The following CCDC191 variants were observed in gnomAD, a reference collection of about 807,000 sequenced individuals.
The protein encoded by CCDC191 is coiled-coil domain containing 191.
A neutral mutation model predicts 114.0 loss-of-function variants in CCDC191; 99 were observed. The observed-to-expected ratio is 0.87, with a 90% CI of 0.74 to 1.03. CCDC191 has a LOEUF of 1.03. Ranked by LOEUF, CCDC191 falls within the 50% of genes least tolerant of loss-of-function variation. The pLI is 0.00. For synonymous variants in CCDC191, 351 were observed against 376.0 expected (o/e 0.93, Z 0.77); for missense variants, 973 against 1,087.0 (o/e 0.90, Z 1.47).
rs750640586 is a variant in CCDC191 at position 113,978,317 on chromosome 3, C to T, written c.2475G>A (p.Leu825=). 6.2e-7 allele frequency: 1 copy of T among 1,613,742 alleles called. No individual in the cohort carries two copies. Among genetic ancestry groups the T allele is most frequent in the Non-Finnish European group, 8.5e-7 (1 of 1,179,934 alleles). ...CACAAAATTTTCTTACTTCTTCCTG[C>T]AGATCAATCACGTACTGGGGATGAA... ...IQSWLQYVID[L]QEEVRKFCVH... Residue 825 remains leucine (L), a synonymous_variant, in exon 16 of 17, where the codon CTG becomes CTA. Transcript: ENST00000295878.
intron 7 of CCDC191, among the ~76,000 whole-genome samples, chr3:114,030,402 C>T (rs1268291488): frequency 6.6e-6 from 1 of 152,096 alleles, no homozygotes; most frequent in Non-Finnish European, 1.5e-5. Context: ...CCTGAATACT[C>T]GTTTCTCTTC....
chr3:113,981,115 C>A (rs2075135714), intron 13 of CCDC191, among the ~76,000 whole-genome samples: 1 of 152,090 alleles, frequency 6.6e-6, no homozygotes, highest in African/African-American at 2.4e-5. Context: ...TCAGGATTTT[C>A]CCCCTCATTA....
intron 8 of CCDC191, among the ~76,000 whole-genome samples, chr3:114,013,935 A>G (rs1450618330): frequency 6.6e-6 from 1 of 152,222 alleles, no homozygotes; most frequent in Non-Finnish European, 1.5e-5. Context: ...TATGCTGCCT[A>G]TCCTACAAGA....
At chr3:114,032,279 G>GA in intron 6 of CCDC191, among the ~76,000 whole-genome samples, 1 of 152,142 alleles carries the variant, frequency 6.6e-6, no homozygotes. Flanking sequence ...GCTGAAAAGA[G>GA]AAAAAAATAG....
chr3:114,004,340 C>CT lies in CCDC191; in HGVS notation c.1978+296dup, dbSNP rs140992391. 3.0e-3 allele frequency: 3,026 copies of CT among 1,001,232 alleles called. 5 individuals are homozygous for CT. The highest frequency in any genetic ancestry group is 3.4e-3 in the Non-Finnish European group (2,837 of 839,824). The allele number at this position is 1,001,232 out of a possible 1,614,324, so 62.0% of individuals were successfully genotyped here. On this transcript the variant is annotated intron_variant, in intron 11 of 16. Coordinates refer to ENST00000295878, the MANE Select transcript of CCDC191 (RefSeq NM_020817.2). ...AGTTTTCTCATTTGTGTAATTATTC[C>CT]TTTTTTTTTCACAATCCAAATCTCA...
At chr3:113,992,201 T>TC (rs773055079) in intron 13 of CCDC191, among the ~76,000 whole-genome samples, 3 of 151,970 alleles carry the variant, frequency 2.0e-5, no homozygotes, top group East Asian at 3.9e-4. Flanking sequence ...AGGTCACCCC[T>TC]CCCCCAAGGC....
intron 7 of CCDC191, among the ~76,000 whole-genome samples, chr3:114,030,170 A>G (rs2076384121): frequency 1.3e-5 from 2 of 152,172 alleles, no homozygotes; most frequent in South Asian, 2.1e-4. Context: ...TTCCATGTCA[A>G]ATATTTTAAA....
chr3:114,053,714 A>C lies in CCDC191; in HGVS notation c.91-79T>G, dbSNP rs552474111. Reference sequence around the variant, plus strand: ...GCCATTTAAATCTATCCTTCTGACTAAAGCATATGGAACAGTGTCCTTTAT... The same window carrying C: ...GCCATTTAAATCTATCCTTCTGACTCAAGCATATGGAACAGTGTCCTTTAT... On this transcript the variant is annotated intron_variant, in intron 1 of 16. Transcript: ENST00000295878. 15 of 896,136 alleles carry C rather than the reference A, an allele frequency of 1.7e-5. No homozygotes were observed. In the East Asian group the frequency reaches 3.9e-4, roughly 23 times the overall value. 55.5% of individuals were successfully genotyped at this position (896,136 alleles called of 1,614,324 possible).
intron 9 of CCDC191, among the ~76,000 whole-genome samples, chr3:114,006,600 AT>A (rs1577401119): frequency 2.2e-5 from 3 of 136,532 alleles, no homozygotes; most frequent in African/African-American, 5.8e-5. Context: ...ATATATATAT[AT>A]ATATATATAT....
chr3:114,001,514 G>A, intron 13 of CCDC191, 81 bp downstream of exon 13: 5 of 1,546,048 alleles, frequency 3.2e-6, no homozygotes, highest in Non-Finnish European at 4.4e-6. Flanking sequence ...GAAGTTCTGG[G>A]TTAAAGAAGG....
rs2076579519 is a variant in CCDC191, at chr3:114,042,699, TTA to T, written c.415+2_415+3del. ...AAACTTAGAACAATCAGGTAAGTTC[TTA>T]CCATCAAACTTGTCATATTTCAAAT... On this transcript the variant is annotated splice_donor_variant and splice_donor_region_variant and intron_variant, in intron 4 of 16. Coordinates refer to ENST00000295878, the MANE Select transcript of CCDC191 (RefSeq NM_020817.2). LOFTEE classifies it high-confidence loss of function. The T allele has an allele frequency of 6.4e-7, 1 of 1,569,784 alleles. No homozygotes were observed. Among genetic ancestry groups the T allele is most frequent in the Non-Finnish European group, 8.6e-7 (1 of 1,164,072 alleles).
chr3:113,977,314 C>T (rs144290598), intron 16 of CCDC191, among the ~76,000 whole-genome samples: 2 of 152,206 alleles, frequency 1.3e-5, no homozygotes, highest in Non-Finnish European at 2.9e-5. Context: ...ACCCACACAA[C>T]AGTCTTCATA....
chr3:114,012,365 TG>T (rs1338157843), intron 8 of CCDC191, among the ~76,000 whole-genome samples: 1 of 152,206 alleles, frequency 6.6e-6, no homozygotes, highest in Non-Finnish European at 1.5e-5. Flanking sequence ...TATATTTAAT[TG>T]TTTCCTTCTA....
At chr3:113,966,477 T>C (rs1194360277) in intron 16 of CCDC191, among the ~76,000 whole-genome samples, 1 of 152,136 alleles carries the variant, frequency 6.6e-6, no homozygotes, top group East Asian at 1.9e-4. Context: ...CTACCCAGTC[T>C]GGTGGTGAGG....
rs1939964172 is a variant in CCDC191 at position 113,964,968 on chromosome 3, T to G, written c.*187A>C. 1 of 424,704 alleles carries G rather than the reference T, an allele frequency of 2.4e-6. No homozygotes were observed. The highest frequency in any genetic ancestry group is 2.0e-5 in the African/African-American group (1 of 49,124). 26.3% of individuals were successfully genotyped at this position (424,704 alleles called of 1,614,324 possible). ...GATGATCCCACTGTGATAAATGCTA[T>G]AGTGAATGACTAGCAATCCAGGAAA... On this transcript the variant is annotated 3_prime_UTR_variant, in exon 17 of 17. Transcript: ENST00000295878.
chr3:114,004,813 A>C (rs759026948), intron 10 of CCDC191, 67 bp from the exon 11 acceptor site: 1 of 1,527,700 alleles, frequency 6.5e-7, no homozygotes, highest in Non-Finnish European at 8.8e-7. Context: ...CTTTGACCTG[A>C]GATGCTCAAA....
At chr3:114,037,983 G>A (rs185230047) in intron 4 of CCDC191, among the ~76,000 whole-genome samples, 12 of 152,278 alleles carry the variant, frequency 7.9e-5, no homozygotes, top group Admixed American at 4.6e-4. Context: ...GGAGTGGAAC[G>A]ATTGGATCAT....
chr3:113,979,812 A>G (rs2075076346), intron 14 of CCDC191, among the ~76,000 whole-genome samples: 1 of 152,196 alleles, frequency 6.6e-6, no homozygotes, highest in Admixed American at 6.5e-5. Context: ...ATCTCAGCAG[A>G]CTGAGAGCCA....
In CCDC191 at chr3:113,983,384, C is replaced by A. The variant is rs77887409; in HGVS notation, c.2164-2591G>T. Among the ~76,000 whole-genome samples, 74 of 152,222 alleles carry A rather than the reference C, an allele frequency of 4.9e-4. 2 individuals are homozygous for A. Among genetic ancestry groups the A allele is most frequent in the African/African-American group, 1.8e-3 (73 of 41,532 alleles). ...TAAACATTGACTTGTTTTTCACTTGCGTACACAGTCTTGTGGTCCAGGCTT... is the reference window on the plus strand; with the variant it reads ...TAAACATTGACTTGTTTTTCACTTGAGTACACAGTCTTGTGGTCCAGGCTT... On this transcript the variant is annotated intron_variant, in intron 13 of 16. Transcript: ENST00000295878.
Sources: allele counts gnomAD v4.1 joint callset (sites outside exome capture counted in the v4.1 genomes callset), GRCh38; gene constraint gnomAD v4.1.1; transcripts MANE v1.5; gene names NCBI Gene and HGNC (gene_info 2026-07-23, HGNC 2026-07-21).